Variants in ELAVL1 observed in about 807,000 individuals in gnomAD.
ELAVL1 encodes the protein ELAV like RNA binding protein 1.
A neutral mutation model predicts 28.4 loss-of-function variants in ELAVL1; 1 was observed. The ratio of observed to expected loss-of-function variants is 0.04; its 90% confidence interval spans 0.01 to 0.17. The LOEUF is 0.17. Ranked by LOEUF, ELAVL1 falls within the 10% of genes least tolerant of loss-of-function variation. ELAVL1 has a pLI of 1.00. For missense variants in ELAVL1, 157 were observed against 447.2 expected, an observed-to-expected ratio of 0.35 and a Z score of 5.85; for synonymous variants, 174 against 183.5, an observed-to-expected ratio of 0.95 and a Z score of 0.42.
intron 1 of ELAVL1, chr19:8,002,185 T>C (rs1214328448): frequency 1.6e-6 from 2 of 1,225,924 alleles, no homozygotes; most frequent in African/African-American, 1.5e-5. Context: ...AACACTGCGA[T>C]GTTCCCACCT....
At position 7,960,343 on chromosome 19, in the gene ELAVL1, G is replaced by A. The variant is rs1374415659; in HGVS notation, c.*3140C>T. The A allele has an allele frequency of 5.3e-5, 8 of 152,252 alleles. No individual in the cohort carries two copies. Among genetic ancestry groups the A allele is most frequent in the Non-Finnish European group, 1.0e-4 (7 of 68,058 alleles). The allele number at this position is 152,252 out of a possible 1,614,324, so 9.4% of individuals were successfully genotyped here. ...GGAAAAGGCTCACCTTCCAGGAGAA[G>A]GTGGCGGAACCCACCCAGCACCACC... On this transcript the variant is annotated 3_prime_UTR_variant, in exon 6 of 6. Coordinates refer to ENST00000407627, the MANE Select transcript of ELAVL1 (RefSeq NM_001419.3).
In ELAVL1 at chr19:7,991,838, A is replaced by G. The variant is rs549543366; in HGVS notation, c.-16-7T>C. 14 of 1,579,388 alleles carry G rather than the reference A, an allele frequency of 8.9e-6. No homozygotes were observed. In the East Asian group the frequency reaches 1.4e-4, roughly 15 times the overall value. On this transcript the variant is annotated splice_region_variant and splice_polypyrimidine_tract_variant and intron_variant, in intron 1 of 5. Transcript: ENST00000407627. ...CATTGTATTTTTCAAAAATCTGCCA[A>G]GAGAAAAAGAGCAAGTAAATTCAAA...
intron 3 of ELAVL1, among the ~76,000 whole-genome samples, chr19:7,977,187 C>T (rs1038055771): frequency 6.6e-6 from 1 of 152,134 alleles, no homozygotes; most frequent in Non-Finnish European, 1.5e-5. Context: ...TCCCCGGCGC[C>T]GGCTTCTGTG....
chr19:7,981,192 C>G lies in ELAVL1; in HGVS notation c.173-6G>C. 1.2e-6 allele frequency: 2 copies of G among 1,614,092 alleles called. No individual in the cohort carries two copies. Among genetic ancestry groups the G allele is most frequent in the Non-Finnish European group, 1.7e-6 (2 of 1,179,976 alleles). On this transcript the variant is annotated splice_polypyrimidine_tract_variant and splice_region_variant and intron_variant, in intron 2 of 5. Transcript: ENST00000407627. The surrounding 1 kb of genome is among the most constrained non-coding windows in gnomAD (Gnocchi z 4.2). ...GCCATAGCCCAAGCTGTGTCCTGTG[C>G]AAGAGAACATGAAGACATTGGTAAG...
chr19:7,960,033 T>C lies in ELAVL1; in HGVS notation c.*3450A>G, dbSNP rs1421840830. 4.6e-5 allele frequency: 7 copies of C among 152,166 alleles called. No individual in the cohort carries two copies. Among genetic ancestry groups the C allele is most frequent in the Admixed American group, 3.9e-4 (6 of 15,282 alleles). 9.4% of individuals were successfully genotyped at this position (152,166 alleles called of 1,614,324 possible). A position where few individuals can be genotyped will look rare whatever the true frequency, so the allele number is the denominator to read the frequency against. ...GATGTGAAATGTAACAGCTGAGTGA[T>C]GTCAATTTCGATTTTTCAAGTCCGA... On this transcript the variant is annotated 3_prime_UTR_variant, in exon 6 of 6. Coordinates refer to ENST00000407627, the MANE Select transcript of ELAVL1 (RefSeq NM_001419.3).
rs977252130 is a variant in ELAVL1 at position 8,002,932 on chromosome 19, T to C, written c.-17+2563A>G. Reference sequence around the variant, plus strand: ...AGGTCAAGAAAACGTGTCTTTTTTCTGCACAAAGATTTTAAATCAGAAGGG... The same window carrying C: ...AGGTCAAGAAAACGTGTCTTTTTTCCGCACAAAGATTTTAAATCAGAAGGG... On this transcript the variant is annotated intron_variant, in intron 1 of 5. Coordinates refer to ENST00000407627, the MANE Select transcript of ELAVL1 (RefSeq NM_001419.3). Among the ~76,000 whole-genome samples the C allele has an allele frequency of 3.3e-5, 5 of 152,262 alleles. No individual in the cohort carries two copies. The South Asian group carries it at 1.0e-3, about 32-fold the overall frequency.
At chr19:8,000,951 A>G (rs1364597392) in intron 1 of ELAVL1, among the ~76,000 whole-genome samples, 2 of 152,258 alleles carry the variant, frequency 1.3e-5, no homozygotes, top group African/African-American at 4.8e-5. Flanking sequence ...GATCTCACAC[A>G]GAAGTGCAAA....
At chr19:7,988,758 G>A (rs988549141) in intron 2 of ELAVL1, among the ~76,000 whole-genome samples, 7 of 152,232 alleles carry the variant, frequency 4.6e-5, no homozygotes, top group African/African-American at 9.6e-5. Flanking sequence ...CCAGTGCGGC[G>A]TCCAGCCCTG....
chr19:7,968,647 C>T (rs745123), intron 4 of ELAVL1, among the ~76,000 whole-genome samples: 7,751 of 152,340 alleles, frequency 0.051, 247 homozygotes, highest in Non-Finnish European at 0.07. Context: ...CCCGGGTTCC[C>T]GGCTAAACCC....
intron 3 of ELAVL1, among the ~76,000 whole-genome samples, chr19:7,975,977 C>A (rs1208370517): frequency 2.6e-5 from 4 of 151,944 alleles, no homozygotes; most frequent in South Asian, 4.1e-4. Flanking sequence ...CCTCTATTCC[C>A]AGCTACTCGG....
At chr19:7,972,688 G>A (rs1165172301) in intron 4 of ELAVL1, among the ~76,000 whole-genome samples, 8 of 151,428 alleles carry the variant, frequency 5.3e-5, no homozygotes, top group Admixed American at 1.3e-4. Flanking sequence ...GTGTAGTGGC[G>A]CGATCACGGC....
chr19:7,997,888 C>G (rs1010790001), intron 1 of ELAVL1, among the ~76,000 whole-genome samples: 1 of 152,124 alleles, frequency 6.6e-6, no homozygotes, highest in Non-Finnish European at 1.5e-5. Flanking sequence ...GAGGTCAATA[C>G]TGCAGTTAGC....
chr19:7,988,091 G>A (rs1023489068), intron 2 of ELAVL1, among the ~76,000 whole-genome samples: 78 of 152,320 alleles, frequency 5.1e-4, no homozygotes, highest in African/African-American at 1.8e-3. Context: ...TGGTGGCTGA[G>A]GAGAGAGGGG....
rs45483997 is a variant in ELAVL1, at chr19:7,973,795, C to T, written c.360G>A (p.Lys120=). 0.015 allele frequency: 23,671 copies of T among 1,614,120 alleles called. 221 individuals carry two copies. Among genetic ancestry groups the T allele is most frequent in the Middle Eastern group, 0.044 (266 of 6,062 alleles). ...ACCGAGAGAACATGTCTTCTACGTC[C>T]TTCTGGGTCATGGTCCGCGGGAGCC... is the stretch of plus-strand genomic sequence containing the variant. ...ISGLPRTMTQ[K]DVEDMFSRFG... is the part of the protein sequence containing the mutation. Residue 120 remains lysine, a synonymous_variant, in exon 4 of 6, where the codon AAG becomes AAA. Coordinates refer to ENST00000407627, the MANE Select transcript of ELAVL1 (RefSeq NM_001419.3).
At chr19:7,994,951 C>G (rs1188258517) in intron 1 of ELAVL1, among the ~76,000 whole-genome samples, 1 of 152,046 alleles carries the variant, frequency 6.6e-6, no homozygotes, top group Non-Finnish European at 1.5e-5. Context: ...AAGACTCTGT[C>G]TCAAAACAAA....
chr19:8,001,080 C>G (rs2081066250), intron 1 of ELAVL1, among the ~76,000 whole-genome samples: 1 of 152,204 alleles, frequency 6.6e-6, no homozygotes, highest in Non-Finnish European at 1.5e-5. Flanking sequence ...CTTCCCAGAG[C>G]TTCAGCTTCC....
Position 7,963,884 on chromosome 19 carries a change from T to C in ELAVL1, c.657-77A>G. Reference sequence around the variant, plus strand: ...GATGGGGCAAGGCCTGGACGCATGCTGACCATGGCCGCTGGGCCCCATCCC... The same window carrying C: ...GATGGGGCAAGGCCTGGACGCATGCCGACCATGGCCGCTGGGCCCCATCCC... On this transcript the variant is annotated intron_variant, in intron 5 of 5. Coordinates refer to ENST00000407627, the MANE Select transcript of ELAVL1 (RefSeq NM_001419.3). This position sits in a 1 kb window ranked among gnomAD's most constrained non-coding sequence, Gnocchi z 4.5. 2 of 1,484,082 alleles carry C rather than the reference T, an allele frequency of 1.3e-6. No homozygotes were observed. The highest frequency in any genetic ancestry group is 9.1e-7 in the Non-Finnish European group (1 of 1,103,488). 91.9% of individuals were successfully genotyped at this position (1,484,082 alleles called of 1,614,324 possible).
At chr19:7,997,767 C>T (rs1448474014) in intron 1 of ELAVL1, among the ~76,000 whole-genome samples, 1 of 150,986 alleles carries the variant, frequency 6.6e-6, no homozygotes. Flanking sequence ...CAGAGAGATG[C>T]CATCATTACA....
chr19:7,983,925 T>C (rs1027647023), intron 2 of ELAVL1, among the ~76,000 whole-genome samples: 1 of 152,038 alleles, frequency 6.6e-6, no homozygotes, highest in Non-Finnish European at 1.5e-5. Flanking sequence ...GCCTACCCTC[T>C]TGGGACACCC....
Sources: allele counts gnomAD v4.1 joint callset (sites outside exome capture counted in the v4.1 genomes callset), GRCh38; gene constraint gnomAD v4.1.1; non-coding constraint Gnocchi (gnomAD v3.1); transcripts MANE v1.5; gene names NCBI Gene and HGNC (gene_info 2026-07-23, HGNC 2026-07-21).